The following ROBO2 variants were observed in gnomAD, a reference collection of about 807,000 sequenced individuals.
The protein encoded by ROBO2 is roundabout homolog 2.
ROBO2 carries 53 observed loss-of-function variants against 160.8 expected under a neutral mutation model. The observed-to-expected ratio is 0.33, with a 90% CI of 0.26 to 0.41. The LOEUF (loss-of-function observed/expected upper bound fraction) is 0.41. ROBO2 is among the 10% of genes least tolerant of loss of function. ROBO2 has a pLI of 1.00. For missense variants in ROBO2, 1,577 were observed against 1,722.4 expected, an observed-to-expected ratio of 0.92 and a Z score of 1.49; for synonymous variants, 664 against 611.7, an observed-to-expected ratio of 1.09 and a Z score of -1.26.
intron 23 of ROBO2, chr3:77,632,387 C>A: frequency 1.1e-6 from 1 of 931,322 alleles, no homozygotes; most frequent in Non-Finnish European, 1.5e-6. Context: ...GAAGCATGGA[C>A]AACTTACTTG....
At chr3:77,426,269 C>A (rs1433038112) in intron 2 of ROBO2, among the ~76,000 whole-genome samples, 2 of 152,024 alleles carry the variant, frequency 1.3e-5, no homozygotes, top group African/African-American at 2.4e-5. Context: ...AAAGACTGAT[C>A]AAGGAGAATC....
intron 2 of ROBO2, among the ~76,000 whole-genome samples, chr3:76,794,526 T>C (rs1413394046): frequency 6.6e-6 from 1 of 151,976 alleles, no homozygotes; most frequent in East Asian, 1.9e-4. Context: ...GCTGTATGGG[T>C]TATTTTCATT....
intron 2 of ROBO2, among the ~76,000 whole-genome samples, chr3:75,953,726 A>G (rs141621384): frequency 1.1e-4 from 16 of 152,060 alleles, no homozygotes; most frequent in African/African-American, 2.9e-4. Context: ...AATAGCAACA[A>G]CAATATAGAA....
chr3:77,395,535 A>G (rs1211508853), intron 2 of ROBO2, among the ~76,000 whole-genome samples: 2 of 152,094 alleles, frequency 1.3e-5, no homozygotes, highest in Non-Finnish European at 2.9e-5. Flanking sequence ...TGTATTTTAG[A>G]TGTGTTTGGA....
intron 2 of ROBO2, among the ~76,000 whole-genome samples, chr3:76,844,090 C>A (rs889974901): frequency 6.6e-6 from 1 of 151,912 alleles, no homozygotes; most frequent in Admixed American, 6.6e-5. Flanking sequence ...TGCTAAGGGA[C>A]GTTGGCATCT....
At chr3:77,156,417 A>G (rs558767976) in intron 2 of ROBO2, among the ~76,000 whole-genome samples, 1 of 152,220 alleles carries the variant, frequency 6.6e-6, no homozygotes, top group East Asian at 1.9e-4. Flanking sequence ...CAGCTGGCTC[A>G]GCAGTCACTA....
At chr3:76,935,677 A>G (rs1015031179) in intron 2 of ROBO2, among the ~76,000 whole-genome samples, 1 of 152,146 alleles carries the variant, frequency 6.6e-6, no homozygotes, top group Admixed American at 6.5e-5. Context: ...CCACTTTCAG[A>G]TTCACAGATG....
intron 2 of ROBO2, among the ~76,000 whole-genome samples, chr3:76,693,651 G>T (rs1237859572): frequency 1.3e-5 from 2 of 152,038 alleles, no homozygotes; most frequent in Non-Finnish European, 2.9e-5. Flanking sequence ...GAGAACAAGA[G>T]GAGTTGATCG....
chr3:76,657,997 G>T (rs956519188), intron 2 of ROBO2, among the ~76,000 whole-genome samples: 1 of 148,894 alleles, frequency 6.7e-6, no homozygotes, highest in East Asian at 2.0e-4. Context: ...AGCCCAGGGC[G>T]TTGAGGCTGT....
At chr3:77,580,058 G>A in exon 16 of ROBO2, 3 of 1,613,886 alleles carry the variant, frequency 1.9e-6, no homozygotes, top group Non-Finnish European at 2.5e-6. Context: ...CCGGGTAGAG[G>A]TTGCAGCTAG....
chr3:76,159,604 A>G (rs2072542295), intron 2 of ROBO2, among the ~76,000 whole-genome samples: 1 of 152,192 alleles, frequency 6.6e-6, no homozygotes, highest in Non-Finnish European at 1.5e-5. Context: ...TGCGAATTCC[A>G]CAATAAACAT....
At chr3:75,990,718 T>A (rs1041158628) in intron 2 of ROBO2, among the ~76,000 whole-genome samples, 4 of 152,228 alleles carry the variant, frequency 2.6e-5, no homozygotes, top group African/African-American at 9.6e-5. Flanking sequence ...AAAATATACA[T>A]TCATGTTTTT....
rs142554291 is a variant in ROBO2, at chr3:76,592,869, C to T, written c.110-505145C>T. Among the ~76,000 whole-genome samples the T allele has an allele frequency of 9.5e-4, 144 of 152,082 alleles. 1 individual carries two copies. The highest frequency in any genetic ancestry group is 3.2e-3 in the African/African-American group (132 of 41,526). The stretch of plus-strand genomic sequence containing the variant: ...CTGAAATCGTACTATCTTCATGGTC[C>T]TCAGCCAAGACAAAAAAAGATGTTC... On this transcript the variant is annotated intron_variant, in intron 2 of 26. Transcript: ENST00000487694.
chr3:75,936,361 A>T lies in ROBO2; in HGVS notation c.-13-1120A>T, dbSNP rs537002201. 1.4e-4 allele frequency among the ~76,000 whole-genome samples: 21 copies of T among 152,308 alleles called. No individual in the cohort carries two copies. In the South Asian group the frequency reaches 4.3e-3, roughly 32 times the overall value. On this transcript the variant is annotated intron_variant, in intron 1 of 26. Coordinates refer to the ROBO2 transcript ENST00000487694. ...AATTATGCAGCATTTTGAATAAAGC[A>T]TTCATTCTGGAAATTATTAAGTTTA...
chr3:77,241,176 CAT>C (rs1170091382), intron 2 of ROBO2, among the ~76,000 whole-genome samples: 3 of 152,170 alleles, frequency 2.0e-5, no homozygotes, highest in Non-Finnish European at 2.9e-5. Flanking sequence ...ATATTGTAGA[CAT>C]ATACATTCAC....
chr3:77,295,887 G>T (rs2062032972), intron 2 of ROBO2, among the ~76,000 whole-genome samples: 1 of 147,904 alleles, frequency 6.8e-6, no homozygotes, highest in Non-Finnish European at 1.5e-5. Context: ...AAGTAAAATT[G>T]ACGGTTAAAC....
chr3:76,144,516 A>T lies in ROBO2; in HGVS notation c.109+206914A>T, dbSNP rs148436654. 2.0e-5 allele frequency among the ~76,000 whole-genome samples: 3 copies of T among 152,154 alleles called. No individual in the cohort carries two copies. In the East Asian group the frequency reaches 5.8e-4, roughly 30 times the overall value. On this transcript the variant is annotated intron_variant, in intron 2 of 26. Transcript: ENST00000487694. ...AAAAGAAACCAAGGTAAGCCATTTC[A>T]CTCAGATGGGTTTATACATCCCTAT...
In ROBO2 at chr3:76,293,941, G is replaced by C. The variant is rs147024994; in HGVS notation, c.109+356339G>C. On this transcript the variant is annotated intron_variant, in intron 2 of 26. Transcript: ENST00000487694. ...CGGCACCCAGGCTGTTTGTGCTGAG[G>C]GGGTGCCTGCAGGCCCATGCTGAGC... is the stretch of plus-strand genomic sequence containing the variant. Among the ~76,000 whole-genome samples the C allele has an allele frequency of 1.1e-4, 17 of 152,272 alleles. No homozygotes were observed. In the East Asian group the frequency reaches 2.5e-3, roughly 23 times the overall value.
chr3:76,190,388 C>G (rs1701953019), intron 2 of ROBO2, among the ~76,000 whole-genome samples: 1 of 151,996 alleles, frequency 6.6e-6, no homozygotes, highest in Non-Finnish European at 1.5e-5. Context: ...CAGTTGGTAG[C>G]AATAAAAACG....
Sources: allele counts gnomAD v4.1 joint callset (sites outside exome capture counted in the v4.1 genomes callset), GRCh38; gene constraint gnomAD v4.1.1; transcripts MANE v1.5; gene names NCBI Gene and HGNC (gene_info 2026-07-23, HGNC 2026-07-21).